Variants in CUX1 observed in about 807,000 individuals in gnomAD.
CUX1 encodes cut like homeobox 1, also known as protein CASP.
CUX1 carries 31 observed loss-of-function variants against 158.8 expected under a neutral mutation model. The observed-to-expected ratio is 0.20, with a 90% CI of 0.15 to 0.26. The LOEUF (loss-of-function observed/expected upper bound fraction) is 0.26, where lower values mean the gene tolerates loss of function less well. Ranked by LOEUF, CUX1 falls within the 10% of genes least tolerant of loss-of-function variation. CUX1 has a pLI of 1.00. For synonymous variants in CUX1, 879 were observed against 862.1 expected (o/e 1.02, Z -0.34); for missense variants, 1,589 against 2,014.6 (o/e 0.79, Z 4.04).
intron 1 of CUX1, among the ~76,000 whole-genome samples, chr7:101,896,264 G>A (rs1414671456): frequency 6.6e-6 from 1 of 152,100 alleles, no homozygotes; most frequent in Non-Finnish European, 1.5e-5. Context: ...CTTGCAGGTC[G>A]TGGGCAGCCT....
At chr7:101,988,843 A>G (rs1380386250) in intron 2 of CUX1, among the ~76,000 whole-genome samples, 2 of 152,064 alleles carry the variant, frequency 1.3e-5, no homozygotes, top group Non-Finnish European at 2.9e-5. Flanking sequence ...CTACAAAAAA[A>G]TAAAATTTAG....
intron 20 of CUX1, among the ~76,000 whole-genome samples, chr7:102,216,075 G>A (rs117007445): frequency 0.025 from 3,710 of 149,798 alleles, 83 homozygotes; most frequent in Non-Finnish European, 0.034. Context: ...AGGCCGCAGC[G>A]GGAGGATCAC....
At chr7:102,259,544 T>C (rs2249477), downstream of CUX1, among the ~76,000 whole-genome samples, 138,706 of 152,150 alleles carry the variant, frequency 0.91, 63,415 homozygotes, top group East Asian at 0.98. Context: ...GCCGAGATTG[T>C]GCCACTGCAC....
intron 2 of CUX1, among the ~76,000 whole-genome samples, chr7:101,983,878 G>A (rs1813815081): frequency 6.6e-6 from 1 of 151,662 alleles, no homozygotes; most frequent in South Asian, 2.1e-4. Flanking sequence ...GAAATTTGGA[G>A]GGGACACTAG....
intron 16 of CUX1, 122 bp from the exon 17 acceptor site, chr7:102,199,949 C>T (rs1795233028): frequency 1.4e-6 from 1 of 706,874 alleles, no homozygotes; most frequent in Non-Finnish European, 2.3e-6. Flanking sequence ...TGGGAGGCCA[C>T]ATCTGCCTCC....
At chr7:102,066,304 C>G (rs914360600) in intron 3 of CUX1, among the ~76,000 whole-genome samples, 2 of 152,086 alleles carry the variant, frequency 1.3e-5, no homozygotes, top group Non-Finnish European at 2.9e-5. Context: ...TTATTGGATC[C>G]AACTGGACGA....
chr7:102,036,765 A>C (rs7785150), intron 3 of CUX1, among the ~76,000 whole-genome samples: 55,784 of 149,636 alleles, frequency 0.37, 10,545 homozygotes, highest in South Asian at 0.46. Flanking sequence ...AACAAACAAA[A>C]AAAAAAAAAA....
intron 2 of CUX1, among the ~76,000 whole-genome samples, chr7:101,939,740 T>G (rs1221639814): frequency 2.0e-5 from 3 of 151,620 alleles, no homozygotes; most frequent in African/African-American, 7.3e-5. Flanking sequence ...GGCAGGAGGA[T>G]CACTTGAGCC....
At chr7:102,274,441 C>T in intron 16 of CUX1, 1 of 692,280 alleles carries the variant, frequency 1.4e-6, no homozygotes. Context: ...GCCTGCAATG[C>T]AGCAGCAACC....
Position 102,256,005 on chromosome 7 carries a change from GTT to G in CUX1, c.*6965_*6966del. On this transcript the variant is annotated 3_prime_UTR_variant, in exon 24 of 24. Transcript: ENST00000292535. ...CCAGGACGATTCAGGTTATGAATGA[GTT>G]TGTTCACTGTAGTTCCGTTTGTTCA... 1.0e-6 allele frequency: 1 copy of G among 985,454 alleles called. No individual in the cohort carries two copies. The highest frequency in any genetic ancestry group is 1.2e-6 in the Non-Finnish European group (1 of 829,946). The allele number at this position is 985,454 out of a possible 1,614,324, so 61.0% of individuals were successfully genotyped here.
chr7:102,201,342 C>G lies in CUX1; in HGVS notation c.2063-18C>G, dbSNP rs782670949. ...GGGGGCCGCCCTGCCACACTCTCAC[C>G]CCTGTTTCTCCATGCAGCAGAGCCG... On this transcript the variant is annotated intron_variant, in intron 17 of 23. Coordinates refer to ENST00000292535, the MANE Select transcript of CUX1 (RefSeq NM_181552.4). The surrounding 1 kb of genome is among the most constrained non-coding windows in gnomAD (Gnocchi z 5.0). 5.0e-6 allele frequency: 8 copies of G among 1,607,728 alleles called. No homozygotes were observed. Among genetic ancestry groups the G allele is most frequent in the Non-Finnish European group, 6.0e-6 (7 of 1,176,176 alleles).
At chr7:101,959,448 CG>C (rs1481417861) in intron 2 of CUX1, 1 of 152,114 alleles carries the variant, frequency 6.6e-6, no homozygotes. Flanking sequence ...TTGCTTTTCT[CG>C]TCATTATATG....
intron 2 of CUX1, among the ~76,000 whole-genome samples, chr7:101,949,493 G>A (rs576488989): frequency 1.1e-4 from 16 of 149,208 alleles, no homozygotes; most frequent in East Asian, 2.0e-4. Context: ...ATTTACTGTG[G>A]CTAAGGCAGA....
intron 1 of CUX1, among the ~76,000 whole-genome samples, chr7:101,909,265 CG>C (rs1803131927): frequency 7.1e-6 from 1 of 140,900 alleles, no homozygotes; most frequent in African/African-American, 2.7e-5. Flanking sequence ...TTTGGGAGGC[CG>C]AGGCGGGAGG....
rs6947621 is a variant in CUX1, at chr7:102,148,558, A to G, written c.675-10002A>G. Among the ~76,000 whole-genome samples the G allele has an allele frequency of 7.4e-3, 1,123 of 151,882 alleles. 12 individuals carry two copies. The highest frequency in any genetic ancestry group is 0.026 in the African/African-American group (1,090 of 41,494). The stretch of plus-strand genomic sequence containing the variant: ...ACTCCGTATCAAAAACAAACAAACA[A>G]AAAAACAAAAAACAAAGAAATGCCC... On this transcript the variant is annotated intron_variant, in intron 8 of 23. Coordinates refer to ENST00000292535, the MANE Select transcript of CUX1 (RefSeq NM_181552.4).
chr7:102,097,525 C>G, intron 5 of CUX1, 24 bp downstream of exon 5: 1 of 1,551,452 alleles, frequency 6.4e-7, no homozygotes, highest in Non-Finnish European at 8.6e-7. Context: ...GCGTTCTTTG[C>G]TTTTTCTTTT....
Position 102,236,009 on chromosome 7 carries a change from T to A in CUX1, c.3622+1769T>A, listed in dbSNP as rs365857. 0.019 allele frequency among the ~76,000 whole-genome samples: 2,878 copies of A among 152,264 alleles called. 204 individuals carry two copies. The East Asian group carries it at 0.21, about 11-fold the overall frequency. On this transcript the variant is annotated intron_variant, in intron 22 of 23. Coordinates refer to ENST00000292535, the MANE Select transcript of CUX1 (RefSeq NM_181552.4). ...TCTATTTTCTGAGAACTGCCCTGTT[T>A]GCCAGGCACTGCGCTAAGACTGCTG...
chr7:102,135,707 G>T (rs560790254), intron 8 of CUX1, among the ~76,000 whole-genome samples: 1 of 152,222 alleles, frequency 6.6e-6, no homozygotes, highest in South Asian at 2.1e-4. Flanking sequence ...AGGCACGGTG[G>T]CTCATGCCTG....
At chr7:101,998,463 T>C (rs949062941) in intron 2 of CUX1, among the ~76,000 whole-genome samples, 3 of 152,200 alleles carry the variant, frequency 2.0e-5, no homozygotes, top group African/African-American at 7.2e-5. Context: ...CCTGGGCATC[T>C]TTCCCAGCCC....
Sources: gnomAD v4.1 joint callset for allele counts (sites outside exome capture counted in the v4.1 genomes callset) on GRCh38, gnomAD v4.1.1 for gene constraint, Gnocchi (gnomAD v3.1) non-coding constraint, MANE v1.5 for transcripts, NCBI Gene and HGNC (gene_info 2026-07-23, HGNC 2026-07-21) for gene names.